MYDGF: variants seen among roughly 807,000 people sequenced by gnomAD.
The protein encoded by MYDGF is myeloid-derived growth factor.
Under a neutral mutation model 24.2 loss-of-function variants are expected in MYDGF, and 29 were observed. The ratio of observed to expected loss-of-function variants is 1.20; its 90% confidence interval spans 0.89 to 1.63. MYDGF has a LOEUF of 1.63. MYDGF is among the 40% of genes most tolerant of loss of function. MYDGF has a pLI of 0.00. For synonymous variants in MYDGF, 105 were observed against 102.5 expected, an observed-to-expected ratio of 1.02 and a Z score of -0.15; for missense variants, 245 against 234.8, an observed-to-expected ratio of 1.04 and a Z score of -0.29.
At position 4,659,154 on chromosome 19, in the gene MYDGF, C is replaced by T. The variant is rs1214648914; in HGVS notation, c.442+777G>A. 2.6e-5 allele frequency among the ~76,000 whole-genome samples: 4 copies of T among 152,140 alleles called. No individual in the cohort carries two copies. In the East Asian group the frequency reaches 7.7e-4, roughly 29 times the overall value. On this transcript the variant is annotated intron_variant, in intron 5 of 5. Coordinates refer to ENST00000262947, the MANE Select transcript of MYDGF (RefSeq NM_019107.4). The stretch of plus-strand genomic sequence containing the variant: ...GCAGTGGTGCGATCATAGCTCAATG[C>T]AGCCTCGACCTCCTGGGCTCAAATA...
At chr19:4,662,254 G>C (rs564939184) in intron 3 of MYDGF, among the ~76,000 whole-genome samples, 1 of 152,320 alleles carries the variant, frequency 6.6e-6, no homozygotes, top group Admixed American at 6.5e-5. Flanking sequence ...CCTCCCATTT[G>C]TCAACGTGCT....
At chr19:4,668,494 G>T in intron 2 of MYDGF, 101 bp downstream of exon 2, 1 of 954,474 alleles carries the variant, frequency 1.0e-6, no homozygotes, top group Non-Finnish European at 1.7e-6. Context: ...ATGAGTGTAA[G>T]GTGATATAGG....
At chr19:4,658,406 AAGG>A (rs1378506572) in intron 5 of MYDGF, among the ~76,000 whole-genome samples, 2 of 152,172 alleles carry the variant, frequency 1.3e-5, no homozygotes, top group African/African-American at 4.8e-5. Flanking sequence ...GAAGCCCAGG[AAGG>A]AGATGATCCC....
At chr19:4,664,122 C>T (rs2088502292) in intron 3 of MYDGF, among the ~76,000 whole-genome samples, 1 of 152,044 alleles carries the variant, frequency 6.6e-6, no homozygotes. Flanking sequence ...ATGTCCAGGA[C>T]ACGCCCATCC....
At chr19:4,664,425 G>T (rs112376765) in intron 3 of MYDGF, among the ~76,000 whole-genome samples, 1 of 151,084 alleles carries the variant, frequency 6.6e-6, no homozygotes, top group Admixed American at 6.6e-5. Context: ...AGGAGGCGGA[G>T]GCTGCAGTGA....
At chr19:4,670,139 C>A (rs1426650479) in intron 1 of MYDGF, 22 bp downstream of exon 1, 1 of 1,488,824 alleles carries the variant, frequency 6.7e-7, no homozygotes, top group Non-Finnish European at 8.9e-7. Context: ...ACTCAAATAT[C>A]CGGGACGGCG....
intron 2 of MYDGF, 116 bp from the exon 3 acceptor site, chr19:4,665,053 G>T (rs1217760781): frequency 1.7e-6 from 2 of 1,152,976 alleles, no homozygotes; most frequent in Non-Finnish European, 2.4e-6. Context: ...CGATTCAGGG[G>T]CTGGCCACTA....
At position 4,657,628 on chromosome 19, in the gene MYDGF, A is replaced by G. The variant is rs1039141261; in HGVS notation, c.*377T>C. ...TCATCTGAAAGGAGGTCCCCTGGGTAAACATAGGAAAGCAGTTCTGCAGGC... is the reference window on the plus strand; with the variant it reads ...TCATCTGAAAGGAGGTCCCCTGGGTGAACATAGGAAAGCAGTTCTGCAGGC... On this transcript the variant is annotated 3_prime_UTR_variant, in exon 6 of 6. Coordinates refer to ENST00000262947, the MANE Select transcript of MYDGF (RefSeq NM_019107.4). 9.4e-5 allele frequency: 16 copies of G among 169,972 alleles called. No homozygotes were observed. The highest frequency in any genetic ancestry group is 1.9e-4 in the Admixed American group (3 of 16,170). 10.5% of individuals were successfully genotyped at this position (169,972 alleles called of 1,614,324 possible).
chr19:4,666,378 C>T (rs907054714), intron 2 of MYDGF, among the ~76,000 whole-genome samples: 1 of 151,566 alleles, frequency 6.6e-6, no homozygotes, highest in African/African-American at 2.4e-5. Context: ...TGGGTTCAAG[C>T]GATTCTCCTG....
At chr19:4,663,737 C>A (rs1258969459) in intron 3 of MYDGF, among the ~76,000 whole-genome samples, 1 of 113,240 alleles carries the variant, frequency 8.8e-6, no homozygotes, top group Non-Finnish European at 1.9e-5. Flanking sequence ...CCACCCACCC[C>A]ATCCTCATTC....
At chr19:4,662,569 G>T (rs934008498) in intron 3 of MYDGF, among the ~76,000 whole-genome samples, 1 of 152,146 alleles carries the variant, frequency 6.6e-6, no homozygotes, top group Non-Finnish European at 1.5e-5. Context: ...ATGGCGGCAG[G>T]GGCAGAATCG....
intron 3 of MYDGF, among the ~76,000 whole-genome samples, chr19:4,663,969 G>A (rs2088501217): frequency 6.6e-6 from 1 of 151,554 alleles, no homozygotes; most frequent in Non-Finnish European, 1.5e-5. Flanking sequence ...CCTGCAGGGA[G>A]CCCTCTGGAA....
At chr19:4,664,772 C>A in intron 3 of MYDGF, 104 bp downstream of exon 3, 1 of 1,299,450 alleles carries the variant, frequency 7.7e-7, no homozygotes, top group South Asian at 1.4e-5. Context: ...GTCTGTCTTC[C>A]CCTCCAGGGG....
intron 2 of MYDGF, among the ~76,000 whole-genome samples, chr19:4,665,820 CAAAAAAAAAAAAAA>C (rs533879529): frequency 0.48 from 21,705 of 45,490 alleles, 3,430 homozygotes; most frequent in African/African-American, 0.6. Context: ...GACTCTGTCT[CAAAAAAAAAAAAAA>C]AAAAAAAAAA....
In MYDGF at chr19:4,668,614, G is replaced by T. The variant is rs774712409; in HGVS notation, c.206C>A (p.Ser69Tyr). ...ACTCACCTCATTGGTCCCTCCTTGA[G>T]AGGCGTAAGTGAACATACACGTATA... Reference protein sequence around the residue: ...DKYTCMFTYASQGGTNEQWQM... With the variant: ...DKYTCMFTYAYQGGTNEQWQM... Residue 69 changes from serine to tyrosine, a missense_variant, in exon 2 of 6, where the codon TCT becomes TAT. By Grantham distance (144) the Ser-to-Tyr change is moderately radical. Transcript: ENST00000262947. 7.4e-6 allele frequency: 12 copies of T among 1,613,218 alleles called. No homozygotes were observed. Among genetic ancestry groups the T allele is most frequent in the Non-Finnish European group, 9.3e-6 (11 of 1,179,426 alleles).
At chr19:4,665,516 C>T (rs2088513448) in intron 2 of MYDGF, among the ~76,000 whole-genome samples, 1 of 151,880 alleles carries the variant, frequency 6.6e-6, no homozygotes, top group South Asian at 2.1e-4. Context: ...AAGAACAACT[C>T]TTAAACATAT....
intron 2 of MYDGF, among the ~76,000 whole-genome samples, chr19:4,666,401 G>C (rs112185766): frequency 6.6e-6 from 1 of 151,504 alleles, no homozygotes; most frequent in African/African-American, 2.4e-5. Flanking sequence ...TCAGCCTCCT[G>C]AGTAGCTGGG....
intron 3 of MYDGF, among the ~76,000 whole-genome samples, chr19:4,661,864 A>G (rs902598828): frequency 6.6e-6 from 1 of 152,082 alleles, no homozygotes; most frequent in Non-Finnish European, 1.5e-5. Flanking sequence ...TTCAGGCTCA[A>G]GGTGAGCCCA....
At chr19:4,660,634 C>A (rs765456849) in intron 4 of MYDGF, 35 bp downstream of exon 4, 35 of 1,591,822 alleles carry the variant, frequency 2.2e-5, no homozygotes, top group Non-Finnish European at 2.8e-5. Flanking sequence ...GCACAGAAGC[C>A]ACACCCGGAG....
Sources: allele counts gnomAD v4.1 joint callset (sites outside exome capture counted in the v4.1 genomes callset), GRCh38; gene constraint gnomAD v4.1.1; transcripts MANE v1.5; gene names NCBI Gene and HGNC (gene_info 2026-07-23, HGNC 2026-07-21).